TUSC3: variants seen among roughly 807,000 people sequenced by gnomAD.
TUSC3 encodes the protein dolichyl-diphosphooligosaccharide--protein glycosyltransferase subunit TUSC3.
TUSC3 carries 45 observed loss-of-function variants against 44.8 expected under a neutral mutation model. That is an observed-to-expected ratio of 1.00 (90% confidence interval 0.79 to 1.29). The LOEUF is 1.29. TUSC3 is among the 50% of genes most tolerant of loss of function. The pLI, the probability that TUSC3 is intolerant of heterozygous loss-of-function variation, is 0.00. For missense variants in TUSC3, 519 were observed against 437.9 expected, an observed-to-expected ratio of 1.19 and a Z score of -1.65; for synonymous variants, 212 against 152.9, an observed-to-expected ratio of 1.39 and a Z score of -2.85.
intron 6 of TUSC3, among the ~76,000 whole-genome samples, chr8:15,693,159 A>G (rs757810242): frequency 6.6e-6 from 1 of 152,152 alleles, no homozygotes; most frequent in East Asian, 1.9e-4. Context: ...TTTACATTCA[A>G]GGTTGATACT....
intron 6 of TUSC3, among the ~76,000 whole-genome samples, chr8:15,712,305 A>G (rs955744325): frequency 2.0e-5 from 3 of 151,892 alleles, no homozygotes; most frequent in African/African-American, 4.8e-5. Context: ...TTAGCAAACT[A>G]TCTTTGTATT....
chr8:15,651,840 C>T (rs761458497), intron 3 of TUSC3, among the ~76,000 whole-genome samples: 2 of 152,176 alleles, frequency 1.3e-5, no homozygotes, highest in Admixed American at 1.3e-4. Context: ...TCATTATCAT[C>T]GATGTTGTCA....
intron 7 of TUSC3, among the ~76,000 whole-genome samples, chr8:15,738,142 T>C (rs1018115239): frequency 1.3e-5 from 2 of 152,184 alleles, no homozygotes; most frequent in African/African-American, 4.8e-5. Context: ...AACTCACTTT[T>C]GCAAGAAACA....
intron 1 of TUSC3, among the ~76,000 whole-genome samples, chr8:15,481,408 T>C (rs1800659400): frequency 6.6e-6 from 1 of 152,118 alleles, no homozygotes; most frequent in Non-Finnish European, 1.5e-5. Flanking sequence ...TTGTTCCCTC[T>C]TTTGCTCTTT....
chr8:15,454,200 G>T (rs1249751844), intron 1 of TUSC3, among the ~76,000 whole-genome samples: 1 of 152,124 alleles, frequency 6.6e-6, no homozygotes, highest in African/African-American at 2.4e-5. Flanking sequence ...AAGTCAAAAA[G>T]TCAAACCACA....
Position 15,501,941 on chromosome 8 carries a change from C to A in TUSC3, n.189+18458C>A, listed in dbSNP as rs192045611. ...CAGTCTTGATCTCTGGAAGTAACGACTGATAACTTTTAATCTATTCCTTCT... is the reference window on the plus strand; with the variant it reads ...CAGTCTTGATCTCTGGAAGTAACGAATGATAACTTTTAATCTATTCCTTCT... On this transcript the variant is annotated intron_variant and non_coding_transcript_variant, in intron 2 of 5. Transcript: ENST00000503191. Among the ~76,000 whole-genome samples, 6 of 152,338 alleles carry A rather than the reference C, an allele frequency of 3.9e-5. No individual in the cohort carries two copies. In the East Asian group the frequency reaches 1.2e-3, roughly 29 times the overall value.
chr8:15,574,787 T>A (rs1803026681), intron 1 of TUSC3, among the ~76,000 whole-genome samples: 1 of 152,184 alleles, frequency 6.6e-6, no homozygotes, highest in African/African-American at 2.4e-5. Flanking sequence ...AGCTAGATGT[T>A]ACTCTTTATG....
downstream of TUSC3, among the ~76,000 whole-genome samples, chr8:15,770,634 A>T (rs1257501547): frequency 6.6e-6 from 1 of 152,034 alleles, no homozygotes; most frequent in Non-Finnish European, 1.5e-5. Context: ...TGAAATTATA[A>T]TAATATAGTA....
At chr8:15,788,363 A>T in the TUSC3 span, among the ~76,000 whole-genome samples, 1 of 152,050 alleles carries the variant, frequency 6.6e-6, no homozygotes, top group Non-Finnish European at 1.5e-5. Context: ...CCTGGCCAAC[A>T]TGGGGAAACC....
chr8:15,634,525 C>T (rs1203266511), intron 2 of TUSC3, among the ~76,000 whole-genome samples: 1 of 152,162 alleles, frequency 6.6e-6, no homozygotes, highest in East Asian at 1.9e-4. Context: ...ATTAACACTT[C>T]CATAAATTCC....
intron 1 of TUSC3, among the ~76,000 whole-genome samples, chr8:15,620,814 T>G (rs1384976468): frequency 6.6e-6 from 1 of 152,174 alleles, no homozygotes; most frequent in Non-Finnish European, 1.5e-5. Flanking sequence ...TCAGCATCCG[T>G]GAAACTGGGG....
rs536317419 is a variant in TUSC3 at position 15,544,627 on chromosome 8, G to A, written c.138+4059G>A. ...GATGTATAATATCCAGTTAGTTTTC[G>A]TGGCACAGCTGTGAAACAGAGACTT... On this transcript the variant is annotated intron_variant, in intron 1 of 10. Coordinates refer to ENST00000503731, the MANE Select transcript of TUSC3 (RefSeq NM_006765.4). 2.0e-5 allele frequency among the ~76,000 whole-genome samples: 3 copies of A among 151,768 alleles called. 1 individual carries two copies. Among genetic ancestry groups the A allele is most frequent in the East Asian group, 3.9e-4 (2 of 5,136 alleles).
chr8:15,622,263 A>G (rs527571890), intron 1 of TUSC3, among the ~76,000 whole-genome samples: 12 of 152,100 alleles, frequency 7.9e-5, no homozygotes, highest in African/African-American at 2.6e-4. Flanking sequence ...AGTAAGATGA[A>G]TGTTCTAAAG....
intron 2 of TUSC3, among the ~76,000 whole-genome samples, chr8:15,507,014 A>G (rs147597046): frequency 1.9e-3 from 284 of 152,242 alleles, no homozygotes; most frequent in Middle Eastern, 0.01. Flanking sequence ...AAAATGGACA[A>G]TTTCCTCTGT....
chr8:15,544,666 A>C (rs1305603297), intron 1 of TUSC3, among the ~76,000 whole-genome samples: 3 of 151,838 alleles, frequency 2.0e-5, no homozygotes, highest in African/African-American at 7.2e-5. Flanking sequence ...TATCTTAGCA[A>C]ATGATAAAAG....
chr8:15,728,327 A>T (rs1055008344), intron 6 of TUSC3, among the ~76,000 whole-genome samples: 4 of 152,128 alleles, frequency 2.6e-5, no homozygotes, highest in Non-Finnish European at 5.9e-5. Flanking sequence ...TGGATCAGAC[A>T]AATCTTTGGG....
intron 6 of TUSC3, among the ~76,000 whole-genome samples, chr8:15,720,026 C>T (rs144499597): frequency 6.6e-6 from 1 of 152,014 alleles, no homozygotes; most frequent in Non-Finnish European, 1.5e-5. Context: ...TTAAGTGATC[C>T]TCCTGCCTCA....
At chr8:15,780,870 G>A in the TUSC3 span, among the ~76,000 whole-genome samples, 6 of 152,206 alleles carry the variant, frequency 3.9e-5, no homozygotes, top group Non-Finnish European at 7.3e-5. Flanking sequence ...GTGAGAAAGT[G>A]AAAAGATAGA....
chr8:15,775,645 T>TACATAC, the TUSC3 span, among the ~76,000 whole-genome samples: 1 of 134,494 alleles, frequency 7.4e-6, no homozygotes, highest in African/African-American at 2.6e-5. Context: ...TATATATATA[T>TACATAC]ATATACACAC....
Sources: gnomAD v4.1 joint callset for allele counts (sites outside exome capture counted in the v4.1 genomes callset) on GRCh38, gnomAD v4.1.1 for gene constraint, MANE v1.5 for transcripts, NCBI Gene and HGNC (gene_info 2026-07-23, HGNC 2026-07-21) for gene names.